PKN2: variants seen among roughly 807,000 people sequenced by gnomAD.
The protein encoded by PKN2 is serine/threonine-protein kinase N2.
A neutral mutation model predicts 119.1 loss-of-function variants in PKN2; 38 were observed. That is an observed-to-expected ratio of 0.32 (90% CI 0.25 to 0.42). The LOEUF (loss-of-function observed/expected upper bound fraction) is 0.42. Among genes scored for constraint, PKN2 ranks in the 10% least tolerant of loss-of-function variants. PKN2 has a pLI of 1.00. For synonymous variants in PKN2, 390 were observed against 384.9 expected (o/e 1.01, Z -0.15); for missense variants, 850 against 1,165.1 (o/e 0.73, Z 3.94).
intron 1 of PKN2, among the ~76,000 whole-genome samples, chr1:88,725,335 C>T (rs1316060831): frequency 4.6e-5 from 7 of 152,068 alleles, no homozygotes; most frequent in African/African-American, 1.7e-4. Context: ...AACTGTTTTT[C>T]AGAGTGGCTA....
intron 1 of PKN2, among the ~76,000 whole-genome samples, chr1:88,733,057 A>G (rs755045166): frequency 1.2e-4 from 18 of 152,208 alleles, no homozygotes; most frequent in Non-Finnish European, 2.6e-4. Flanking sequence ...AGTTGGGAAT[A>G]TGTAACAAGA....
intron 1 of PKN2, among the ~76,000 whole-genome samples, chr1:88,707,853 T>C (rs1667063220): frequency 6.6e-6 from 1 of 152,190 alleles, no homozygotes; most frequent in South Asian, 2.1e-4. Flanking sequence ...TTACATTTCT[T>C]TATCTCAGAG....
chr1:88,824,474 A>T, intron 18 of PKN2, 88 bp downstream of exon 18: 3 of 761,950 alleles, frequency 3.9e-6, no homozygotes, highest in Non-Finnish European at 7.0e-6. Flanking sequence ...TATGGAAAAC[A>T]AACTGTACTT....
chr1:88,762,174 G>T (rs1669473110), intron 3 of PKN2, among the ~76,000 whole-genome samples: 2 of 152,256 alleles, frequency 1.3e-5, no homozygotes, highest in South Asian at 4.1e-4. Context: ...AAAAGATTAC[G>T]AACCACTGCT....
chr1:88,758,115 G>C (rs1416429723), intron 2 of PKN2, among the ~76,000 whole-genome samples: 2 of 148,028 alleles, frequency 1.4e-5, no homozygotes, highest in Non-Finnish European at 3.0e-5. Context: ...GGTTCTTTCT[G>C]AAGTTTTATT....
chr1:88,820,200 AT>A (rs1672199444), intron 16 of PKN2, among the ~76,000 whole-genome samples: 1 of 70,726 alleles, frequency 1.4e-5, no homozygotes, highest in African/African-American at 6.4e-5. Context: ...ATATATATAT[AT>A]ATATATATAT....
Position 88,806,178 on chromosome 1 carries a change from G to A in PKN2, c.1803+161G>A, listed in dbSNP as rs1022504764. 26 of 663,426 alleles carry A rather than the reference G, an allele frequency of 3.9e-5. No homozygotes were observed. In the African/African-American group the frequency reaches 4.7e-4, roughly 12 times the overall value. The allele number at this position is 663,426 out of a possible 1,614,324, so 41.1% of individuals were successfully genotyped here. A position where few individuals can be genotyped will look rare whatever the true frequency, so the allele number is the denominator to read the frequency against. ...GTTTTTGTTTTTGTTTTTTGAGACAGAGTTTCACTCTTGTTACCCAGGCTG... is the reference window on the plus strand; with the variant it reads ...GTTTTTGTTTTTGTTTTTTGAGACAAAGTTTCACTCTTGTTACCCAGGCTG... On this transcript the variant is annotated intron_variant, in intron 12 of 21. Coordinates refer to ENST00000370521, the MANE Select transcript of PKN2 (RefSeq NM_006256.4).
intron 3 of PKN2, among the ~76,000 whole-genome samples, chr1:88,765,652 GTGT>G (rs373127974): frequency 0.021 from 3,160 of 152,180 alleles, 97 homozygotes; most frequent in African/African-American, 0.071. Flanking sequence ...AGTGGAAGTG[GTGT>G]TGTTGTTGTT....
chr1:88,717,631 T>G (rs542783357), intron 1 of PKN2, among the ~76,000 whole-genome samples: 145 of 152,100 alleles, frequency 9.5e-4, no homozygotes, highest in Non-Finnish European at 1.7e-3. Context: ...ATGCCATGGT[T>G]TACAGCTCCA....
intron 6 of PKN2, among the ~76,000 whole-genome samples, chr1:88,779,133 T>C (rs1054699817): frequency 2.0e-5 from 3 of 152,212 alleles, no homozygotes; most frequent in Admixed American, 1.3e-4. Context: ...AAAGATCTTC[T>C]CTGCTCCCTC....
At position 88,832,607 on chromosome 1, in the gene PKN2, A is replaced by ATTGTTGTTG. The variant is rs3835587; in HGVS notation, c.2563-119_2563-111dup. The stretch of plus-strand genomic sequence containing the variant: ...TTGTTGTTTTGGTAGGCATGGGTTT[A>ATTGTTGTTG]TTGTTGTTGTTGTTGTTGTTGTTGT... On this transcript the variant is annotated intron_variant, in intron 19 of 21. Transcript: ENST00000370521. 1,275 of 576,066 alleles carry ATTGTTGTTG rather than the reference A, an allele frequency of 2.2e-3. 10 individuals carry two copies. The African/African-American group carries it at 0.023, about 10-fold the overall frequency. The allele number at this position is 576,066 out of a possible 1,614,324, so 35.7% of individuals were successfully genotyped here. A position where few individuals can be genotyped will look rare whatever the true frequency, so the allele number is the denominator to read the frequency against.
chr1:88,833,250 T>C lies in PKN2; in HGVS notation c.2757T>C (p.Ile919=). 1 of 1,612,764 alleles carries C rather than the reference T, an allele frequency of 6.2e-7. No individual in the cohort carries two copies. The highest frequency in any genetic ancestry group is 8.5e-7 in the Non-Finnish European group (1 of 1,179,296). The part of the protein sequence containing the change: ...DVKKHPFFRL[I]DWSALMDKKV... ...TTTTTTATTTTATGATCCAGCTAAT[T>C]GATTGGAGCGCTCTGATGGACAAAA... The change falls in exon 22 of 22, where the codon ATT becomes ATC. Residue 919 remains isoleucine (I), a synonymous_variant. Transcript: ENST00000370521.
At chr1:88,698,383 A>G (rs939019145) in intron 1 of PKN2, among the ~76,000 whole-genome samples, 1 of 152,166 alleles carries the variant, frequency 6.6e-6, no homozygotes, top group African/African-American at 2.4e-5. Flanking sequence ...AATGTCCTCA[A>G]CAAGTTTTAC....
chr1:88,757,338 A>G (rs138138888), intron 2 of PKN2, among the ~76,000 whole-genome samples: 11 of 152,220 alleles, frequency 7.2e-5, no homozygotes, highest in South Asian at 2.1e-4. Context: ...TTATTTATCT[A>G]TTTATTTTAG....
chr1:88,801,693 C>T (rs950399656), intron 8 of PKN2, among the ~76,000 whole-genome samples: 4 of 152,180 alleles, frequency 2.6e-5, no homozygotes, highest in Non-Finnish European at 4.4e-5. Flanking sequence ...AACAGATAAT[C>T]GGTGCCGTGA....
intron 3 of PKN2, 142 bp from the exon 4 acceptor site, chr1:88,770,210 A>G (rs1669828034): frequency 1.9e-6 from 1 of 523,854 alleles, no homozygotes; most frequent in Non-Finnish European, 3.5e-6. Context: ...AAATGTATCT[A>G]TAAGATATAC....
chr1:88,771,351 C>A (rs1462516057), intron 4 of PKN2, 70 bp from the exon 5 acceptor site: 15 of 1,147,744 alleles, frequency 1.3e-5, no homozygotes, highest in Non-Finnish European at 1.7e-5. Context: ...CATTTCTTTT[C>A]ATGATTTTAA....
chr1:88,776,252 C>T (rs920779328), intron 6 of PKN2, among the ~76,000 whole-genome samples: 2 of 144,376 alleles, frequency 1.4e-5, no homozygotes, highest in African/African-American at 2.6e-5. Flanking sequence ...GCCCCCACCC[C>T]GCCCCACCCG....
chr1:88,720,019 T>A (rs1362379457), intron 1 of PKN2, among the ~76,000 whole-genome samples: 2 of 151,970 alleles, frequency 1.3e-5, no homozygotes, highest in Admixed American at 1.3e-4. Flanking sequence ...GGAGTCAAAA[T>A]GTTTTTTGTT....
Sources: allele counts gnomAD v4.1 joint callset (sites outside exome capture counted in the v4.1 genomes callset), GRCh38; gene constraint gnomAD v4.1.1; transcripts MANE v1.5; gene names NCBI Gene and HGNC (gene_info 2026-07-23, HGNC 2026-07-21).